Variants in KCTD8 observed in about 807,000 individuals in gnomAD.
KCTD8 encodes BTB/POZ domain-containing protein KCTD8.
In KCTD8, 27 loss-of-function variants were observed where a neutral mutation model predicts 31.5. That is an observed-to-expected ratio of 0.86 (90% CI 0.63 to 1.18). KCTD8 has a LOEUF of 1.18. Among genes scored for constraint, KCTD8 ranks in the 50% most tolerant of loss-of-function variants. KCTD8 has a pLI of 0.00. For missense variants in KCTD8, 658 were observed against 647.7 expected (o/e 1.02, Z -0.17); for synonymous variants, 290 against 280.0 (o/e 1.04, Z -0.36).
At chr4:44,273,284 A>G (rs1328372797) in intron 1 of KCTD8, among the ~76,000 whole-genome samples, 1 of 152,030 alleles carries the variant, frequency 6.6e-6, no homozygotes, top group Non-Finnish European at 1.5e-5. Context: ...GCATTTGACT[A>G]TCTATTTGAA....
At chr4:44,252,851 T>C (rs17641641) in intron 1 of KCTD8, among the ~76,000 whole-genome samples, 18,019 of 151,652 alleles carry the variant, frequency 0.12, 1,320 homozygotes, top group East Asian at 0.24. Flanking sequence ...GTCTCACAAA[T>C]TGAAAAGAGG....
intron 1 of KCTD8, among the ~76,000 whole-genome samples, chr4:44,220,848 GTTTA>G (rs1449014874): frequency 2.6e-5 from 4 of 152,092 alleles, no homozygotes; most frequent in Non-Finnish European, 4.4e-5. Context: ...CAGTGGAAAG[GTTTA>G]TTTATTTATT....
intron 1 of KCTD8, among the ~76,000 whole-genome samples, chr4:44,213,526 C>T (rs534493921): frequency 4.9e-4 from 74 of 152,192 alleles, no homozygotes; most frequent in African/African-American, 1.7e-3. Flanking sequence ...TTCCTATGAA[C>T]TAAACATGTA....
chr4:44,255,190 G>A (rs979047419), intron 1 of KCTD8, among the ~76,000 whole-genome samples: 2 of 151,742 alleles, frequency 1.3e-5, no homozygotes, highest in African/African-American at 4.8e-5. Context: ...CTTGGCTAAT[G>A]GAGAACTTGT....
intron 1 of KCTD8, among the ~76,000 whole-genome samples, chr4:44,404,259 G>T (rs537543655): frequency 1.3e-5 from 2 of 152,278 alleles, no homozygotes; most frequent in South Asian, 4.1e-4. Flanking sequence ...AATTAAAAGG[G>T]TGTTTTGTTG....
At chr4:44,349,888 C>A (rs2109424077) in intron 1 of KCTD8, among the ~76,000 whole-genome samples, 1 of 152,122 alleles carries the variant, frequency 6.6e-6, no homozygotes, top group African/African-American at 2.4e-5. Context: ...CCACCAAAAT[C>A]TGGGCCAAAT....
chr4:44,383,576 G>A (rs28834482), intron 1 of KCTD8, among the ~76,000 whole-genome samples: 430 of 152,008 alleles, frequency 2.8e-3, no homozygotes, highest in African/African-American at 9.3e-3. Context: ...AGGACAGTCC[G>A]TCTCTTTAAT....
At chr4:44,301,376 C>T (rs1046173651) in intron 1 of KCTD8, among the ~76,000 whole-genome samples, 11 of 152,134 alleles carry the variant, frequency 7.2e-5, no homozygotes, top group Non-Finnish European at 1.2e-4. Flanking sequence ...TCTCCAGCAC[C>T]TGTTGTTTCC....
chr4:44,211,584 A>G lies in KCTD8; in HGVS notation c.962-36334T>C, dbSNP rs28687553. Among the ~76,000 whole-genome samples the G allele has an allele frequency of 4.9e-3, 745 of 152,250 alleles. 8 individuals carry two copies. Among genetic ancestry groups the G allele is most frequent in the African/African-American group, 0.017 (709 of 41,566 alleles). ...TATCCTCTCATCAATGGTTATTGAG[A>G]CAGCTTCCAGTTTTTTGTTATTATA... is the stretch of plus-strand genomic sequence containing the variant. On this transcript the variant is annotated intron_variant, in intron 1 of 1. Transcript: ENST00000360029.
At chr4:44,406,487 G>A (rs571629742) in intron 1 of KCTD8, among the ~76,000 whole-genome samples, 1 of 152,070 alleles carries the variant, frequency 6.6e-6, no homozygotes, top group Admixed American at 6.5e-5. Flanking sequence ...TTTATCAGGG[G>A]TTTCCACTTT....
chr4:44,203,908 TAAAAG>T (rs1714225471), intron 1 of KCTD8, among the ~76,000 whole-genome samples: 1 of 151,440 alleles, frequency 6.6e-6, no homozygotes, highest in African/African-American at 2.4e-5. Context: ...TATATATAAA[TAAAAG>T]AAATGAGAAA....
intron 1 of KCTD8, among the ~76,000 whole-genome samples, chr4:44,374,033 G>C (rs1394695757): frequency 6.6e-6 from 1 of 152,028 alleles, no homozygotes. Context: ...GCAAGATAAG[G>C]GAAGATTACA....
chr4:44,335,617 TGAC>T (rs1354382782), intron 1 of KCTD8, among the ~76,000 whole-genome samples: 1 of 152,184 alleles, frequency 6.6e-6, no homozygotes, highest in Non-Finnish European at 1.5e-5. Context: ...TGCTACAAAA[TGAC>T]AGTTTTCTTT....
At position 44,174,585 on chromosome 4, in the gene KCTD8, T is replaced by A. The variant is rs1713141349; in HGVS notation, c.*205A>T. The stretch of plus-strand genomic sequence containing the variant: ...AGATATTCCATTTTGATTTAACACT[T>A]ATTGATTTAATATTTTTTCCTTTTT... On this transcript the variant is annotated 3_prime_UTR_variant, in exon 2 of 2. Transcript: ENST00000360029. 2.1e-6 allele frequency: 1 copy of A among 466,730 alleles called. No individual in the cohort carries two copies. The highest frequency in any genetic ancestry group is 3.7e-6 in the Non-Finnish European group (1 of 267,262). The allele number at this position is 466,730 out of a possible 1,614,324, so 28.9% of individuals were successfully genotyped here.
intron 1 of KCTD8, among the ~76,000 whole-genome samples, chr4:44,242,731 T>C (rs1169794370): frequency 1.3e-5 from 2 of 152,150 alleles, no homozygotes; most frequent in African/African-American, 4.8e-5. Flanking sequence ...AGATTTCTCA[T>C]GAATGGTTTA....
chr4:44,393,500 A>C (rs1471950559), intron 1 of KCTD8, among the ~76,000 whole-genome samples: 1 of 151,670 alleles, frequency 6.6e-6, no homozygotes, highest in Non-Finnish European at 1.5e-5. Flanking sequence ...TCCAAACAGA[A>C]CAACTATGAA....
chr4:44,402,856 A>G (rs1452406631), intron 1 of KCTD8, among the ~76,000 whole-genome samples: 2 of 152,210 alleles, frequency 1.3e-5, no homozygotes, highest in African/African-American at 2.4e-5. Context: ...TGAGCCATCC[A>G]GAGTACAAAT....
At chr4:44,226,808 T>C (rs189226458) in intron 1 of KCTD8, among the ~76,000 whole-genome samples, 1 of 152,338 alleles carries the variant, frequency 6.6e-6, no homozygotes, top group Admixed American at 6.5e-5. Context: ...TGAGCTTTTT[T>C]CGTATGTTTT....
At chr4:44,435,346 C>A (rs1721616827) in intron 1 of KCTD8, among the ~76,000 whole-genome samples, 1 of 152,028 alleles carries the variant, frequency 6.6e-6, no homozygotes, top group South Asian at 2.1e-4. Flanking sequence ...CTGATTTTCT[C>A]TAATCCTTGC....
Sources: allele counts gnomAD v4.1 joint callset (sites outside exome capture counted in the v4.1 genomes callset), GRCh38; gene constraint gnomAD v4.1.1; transcripts MANE v1.5; gene names NCBI Gene and HGNC (gene_info 2026-07-23, HGNC 2026-07-21).